Variants in ARHGAP10 observed in about 807,000 individuals in gnomAD.
The protein encoded by ARHGAP10 is rho GTPase-activating protein 10.
A neutral mutation model predicts 108.6 loss-of-function variants in ARHGAP10; 87 were observed. The ratio of observed to expected loss-of-function variants is 0.80; its 90% CI spans 0.67 to 0.96. The LOEUF (loss-of-function observed/expected upper bound fraction) is 0.96. Ranked by LOEUF, ARHGAP10 falls within the 40% of genes least tolerant of loss-of-function variation. ARHGAP10 has a pLI of 0.00. For synonymous variants in ARHGAP10, 347 were observed against 341.1 expected (o/e 1.02, Z -0.19); for missense variants, 939 against 954.5 (o/e 0.98, Z 0.21).
intron 22 of ARHGAP10, among the ~76,000 whole-genome samples, chr4:148,068,065 C>T (rs1186605382): frequency 6.6e-6 from 1 of 151,896 alleles, no homozygotes; most frequent in Non-Finnish European, 1.5e-5. Flanking sequence ...GGGACCTTTC[C>T]CTTTTCTCTG....
chr4:147,776,724 T>C (rs1377940402), intron 1 of ARHGAP10, among the ~76,000 whole-genome samples: 2 of 152,066 alleles, frequency 1.3e-5, no homozygotes, highest in Admixed American at 6.6e-5. Context: ...TTCTGTTGGG[T>C]GAAGGTTTGA....
intron 5 of ARHGAP10, among the ~76,000 whole-genome samples, chr4:147,860,391 G>T (rs951828798): frequency 1.2e-4 from 18 of 152,270 alleles, no homozygotes; most frequent in African/African-American, 4.3e-4. Flanking sequence ...GCAGTGAGCC[G>T]AGATGGGGCC....
chr4:147,748,790 G>A (rs1729031054), intron 1 of ARHGAP10, among the ~76,000 whole-genome samples: 1 of 152,028 alleles, frequency 6.6e-6, no homozygotes, highest in Admixed American at 6.6e-5. Context: ...GGGCAACATA[G>A]ACCCTATTTC....
intron 13 of ARHGAP10, among the ~76,000 whole-genome samples, chr4:147,919,175 A>G (rs1737120831): frequency 6.6e-6 from 1 of 152,244 alleles, no homozygotes; most frequent in African/African-American, 2.4e-5. Context: ...TATCGTTCTC[A>G]GTACTCTTAA....
At chr4:147,840,330 G>A (rs1023303639) in intron 3 of ARHGAP10, among the ~76,000 whole-genome samples, 2 of 151,952 alleles carry the variant, frequency 1.3e-5, no homozygotes, top group African/African-American at 4.8e-5. Context: ...CTCTCATGCA[G>A]TACCCATTTA....
intron 1 of ARHGAP10, among the ~76,000 whole-genome samples, chr4:147,739,104 T>G (rs1728547088): frequency 6.6e-6 from 1 of 151,174 alleles, no homozygotes; most frequent in Non-Finnish European, 1.5e-5. Context: ...GGAGAGTTGC[T>G]TGAATCCAGG....
intron 18 of ARHGAP10, among the ~76,000 whole-genome samples, chr4:147,977,843 A>G (rs1383705009): frequency 6.7e-6 from 1 of 149,286 alleles, no homozygotes; most frequent in Non-Finnish European, 1.5e-5. Context: ...TCCAGTGTCT[A>G]TTACTTTCAT....
chr4:147,995,042 C>T (rs1048197385), intron 18 of ARHGAP10, among the ~76,000 whole-genome samples: 1 of 152,166 alleles, frequency 6.6e-6, no homozygotes, highest in African/African-American at 2.4e-5. Context: ...ACAGACAGAT[C>T]CACAGTGTAA....
At chr4:147,776,767 T>C (rs1367563878) in intron 1 of ARHGAP10, among the ~76,000 whole-genome samples, 2 of 152,180 alleles carry the variant, frequency 1.3e-5, no homozygotes, top group Non-Finnish European at 2.9e-5. Flanking sequence ...TGGGGCAGCA[T>C]TGGGAGCTTA....
chr4:147,929,600 T>A (rs1737591315), intron 13 of ARHGAP10, among the ~76,000 whole-genome samples: 1 of 152,164 alleles, frequency 6.6e-6, no homozygotes, highest in African/African-American at 2.4e-5. Flanking sequence ...ATTATCACAT[T>A]TTTGTAATCC....
chr4:147,747,107 T>G (rs2126687036), intron 1 of ARHGAP10, among the ~76,000 whole-genome samples: 1 of 152,198 alleles, frequency 6.6e-6, no homozygotes, highest in East Asian at 1.9e-4. Flanking sequence ...CAGGCTTTAT[T>G]TCACACTTTG....
chr4:147,751,910 G>A (rs1208139667), intron 1 of ARHGAP10, among the ~76,000 whole-genome samples: 1 of 139,854 alleles, frequency 7.2e-6, no homozygotes, highest in Non-Finnish European at 1.5e-5. Flanking sequence ...TTTTTAAGAT[G>A]GAGTGTTGCT....
chr4:147,946,275 C>G (rs1332588988), intron 14 of ARHGAP10: 1 of 199,674 alleles, frequency 5.0e-6, no homozygotes, highest in Non-Finnish European at 1.0e-5. Context: ...TTGCTATAAG[C>G]CAAGGCTACT....
At chr4:147,758,968 G>A (rs1206207600) in intron 1 of ARHGAP10, among the ~76,000 whole-genome samples, 1 of 128,520 alleles carries the variant, frequency 7.8e-6, no homozygotes, top group Non-Finnish European at 1.6e-5. Context: ...AACAGACTCT[G>A]TCTCAAAAAA....
At chr4:148,011,183 TG>T (rs1741158074) in intron 18 of ARHGAP10, among the ~76,000 whole-genome samples, 2 of 152,228 alleles carry the variant, frequency 1.3e-5, no homozygotes. Flanking sequence ...ATCCCTTGGT[TG>T]GGTGTTACTC....
intron 14 of ARHGAP10, among the ~76,000 whole-genome samples, chr4:147,944,840 A>G (rs961090142): frequency 1.3e-5 from 2 of 152,268 alleles, no homozygotes; most frequent in African/African-American, 4.8e-5. Flanking sequence ...CATTCGTCGT[A>G]ACCCATTTCC....
rs533313268 is a variant in ARHGAP10 at position 148,046,025 on chromosome 4, A to C, written c.1868-867A>C. 7.2e-5 allele frequency among the ~76,000 whole-genome samples: 11 copies of C among 152,368 alleles called. No homozygotes were observed. In the South Asian group the frequency reaches 1.4e-3, roughly 20 times the overall value. Reference sequence around the variant, plus strand: ...TCTGCAGGGTTGCCTGGAGCAGTTAAAATTTAATGGGGACTGAGGATTAGG... The same window carrying C: ...TCTGCAGGGTTGCCTGGAGCAGTTACAATTTAATGGGGACTGAGGATTAGG... On this transcript the variant is annotated intron_variant, in intron 19 of 22. Transcript: ENST00000336498.
At chr4:147,744,663 C>T (rs939671108) in intron 1 of ARHGAP10, among the ~76,000 whole-genome samples, 4 of 152,018 alleles carry the variant, frequency 2.6e-5, no homozygotes, top group African/African-American at 7.2e-5. Context: ...GCCCTGACAC[C>T]TCAGGTTCTG....
chr4:148,003,010 G>T (rs1178995183), intron 18 of ARHGAP10, among the ~76,000 whole-genome samples: 1 of 152,080 alleles, frequency 6.6e-6, no homozygotes, highest in Non-Finnish European at 1.5e-5. Context: ...TGATGTTAGG[G>T]TGTTAATTTT....
Sources: gnomAD v4.1 joint callset for allele counts (sites outside exome capture counted in the v4.1 genomes callset) on GRCh38, gnomAD v4.1.1 for gene constraint, MANE v1.5 for transcripts, NCBI Gene and HGNC (gene_info 2026-07-23, HGNC 2026-07-21) for gene names.